Variants in FNDC3B observed in about 807,000 individuals in gnomAD.
FNDC3B encodes fibronectin type III domain-containing protein 3B.
FNDC3B carries 12 observed loss-of-function variants against 151.5 expected under a neutral mutation model. The ratio of observed to expected loss-of-function variants is 0.08; its 90% CI spans 0.05 to 0.13. FNDC3B has a LOEUF of 0.13. Ranked by LOEUF, FNDC3B falls within the 10% of genes least tolerant of loss-of-function variation. The pLI is 1.00. For synonymous variants in FNDC3B, 528 were observed against 549.0 expected, an observed-to-expected ratio of 0.96 and a Z score of 0.54; for missense variants, 1,214 against 1,505.3, an observed-to-expected ratio of 0.81 and a Z score of 3.20.
chr3:172,333,090 A>G lies in FNDC3B; in HGVS notation c.1556A>G (p.Asp519Gly), dbSNP rs977682183. The G allele has an allele frequency of 4.1e-5, 66 of 1,608,030 alleles. No individual in the cohort carries two copies. The highest frequency in any genetic ancestry group is 6.6e-5 in the South Asian group (6 of 90,982). Residue 519 changes from aspartate to glycine, a missense_variant and splice_region_variant, in exon 14 of 26, where the codon GAT (aspartate) becomes GGT (glycine). By Grantham distance (94) the Asp-to-Gly change is moderately conservative. Coordinates refer to ENST00000415807, the MANE Select transcript of FNDC3B (RefSeq NM_022763.4). ...YTLEIQEDENDNLFHPKYTGE... is the reference protein window; with the variant it reads ...YTLEIQEDENGNLFHPKYTGE... ...TTCTTCCTGGCTTTGCCTTTTCAGG[A>G]TAACCTTTTCCACCCAAAATACACT...
rs540181938 is a variant in FNDC3B at position 172,310,850 on chromosome 3, A to G, written c.1223A>G (p.Lys408Arg). The G allele has an allele frequency of 2.5e-6, 4 of 1,612,730 alleles. No individual in the cohort carries two copies. The African/African-American group carries it at 5.3e-5, about 21-fold the overall frequency. Residue 408 changes from lysine to arginine, a missense_variant, in exon 11 of 26, where the codon AAA becomes AGA. Physicochemically the swap from Lys to Arg is conservative, Grantham distance 26. Transcript: ENST00000415807. ...TAGGCACCAATTGACAACGGTTCAAAAATCACCAACTACCTTTTAGAGTGG... is the reference window on the plus strand; with the variant it reads ...TAGGCACCAATTGACAACGGTTCAAGAATCACCAACTACCTTTTAGAGTGG... Reference protein sequence around the residue: ...QWKAPIDNGSKITNYLLEWDE... With the variant: ...QWKAPIDNGSRITNYLLEWDE...
At chr3:172,378,502 A>T in intron 24 of FNDC3B, 66 bp downstream of exon 24, 1 of 1,381,142 alleles carries the variant, frequency 7.2e-7, no homozygotes, top group Non-Finnish European at 9.8e-7. Context: ...ACTTATAGAA[A>T]GAAGCTCTTT....
chr3:172,324,772 G>A (rs1028402826), intron 11 of FNDC3B, among the ~76,000 whole-genome samples: 6 of 152,198 alleles, frequency 3.9e-5, no homozygotes, highest in Non-Finnish European at 7.3e-5. Flanking sequence ...TAGCCCAGTG[G>A]CTAGGTCTGT....
chr3:172,163,060 G>C (rs1722853848), intron 3 of FNDC3B, among the ~76,000 whole-genome samples: 1 of 152,102 alleles, frequency 6.6e-6, no homozygotes, highest in South Asian at 2.1e-4. Context: ...ATTGCTTGAA[G>C]CCAGGAGTTT....
rs1727841300 is a variant in FNDC3B, at chr3:172,247,557, C to T, written c.289C>T (p.Arg97Cys). The T allele has an allele frequency of 5.0e-6, 8 of 1,613,914 alleles. No homozygotes were observed. The highest frequency in any genetic ancestry group is 5.9e-6 in the Non-Finnish European group (7 of 1,179,932). Reference sequence around the variant, plus strand: ...GGTGATTGAAGATAGTACTGGAGTCCGCCGGGTGGTGGTCACACCCCAGTC... The same window carrying T: ...GGTGATTGAAGATAGTACTGGAGTCTGCCGGGTGGTGGTCACACCCCAGTC... The part of the protein sequence containing the change: ...SQVIEDSTGV[R>C]RVVVTPQSPE... The change falls in exon 5 of 26, where the codon CGC (arginine) becomes TGC (cysteine). Residue 97 changes from arginine to cysteine, a missense_variant. By Grantham distance (180) the Arg-to-Cys change is radical. Around this residue, in one of 7 missense-constraint regions of FNDC3B, gnomAD observed 113 missense variants for 177.8 expected, o/e 0.64. Coordinates refer to ENST00000415807, the MANE Select transcript of FNDC3B (RefSeq NM_022763.4).
At chr3:172,140,235 TGATACTTAAATGTTA>T (rs566277775) in intron 3 of FNDC3B, among the ~76,000 whole-genome samples, 184 of 152,358 alleles carry the variant, frequency 1.2e-3, no homozygotes, top group African/African-American at 4.2e-3. Context: ...GCTTACCTTA[TGATACTTAAATGTTA>T]GCTTCAAGAC....
At chr3:172,241,055 A>G (rs574491780) in intron 4 of FNDC3B, among the ~76,000 whole-genome samples, 46 of 152,188 alleles carry the variant, frequency 3.0e-4, no homozygotes, top group Non-Finnish European at 6.2e-4. Context: ...CCTGGCTTCT[A>G]TTAGCCATCA....
At chr3:172,257,145 AG>A (rs1416521209) in intron 6 of FNDC3B, among the ~76,000 whole-genome samples, 2 of 152,094 alleles carry the variant, frequency 1.3e-5, no homozygotes, top group Non-Finnish European at 2.9e-5. Flanking sequence ...TCCTGACCTC[AG>A]GTGATCCACC....
chr3:172,332,355 C>T (rs914788889), intron 13 of FNDC3B, among the ~76,000 whole-genome samples: 1 of 152,190 alleles, frequency 6.6e-6, no homozygotes, highest in African/African-American at 2.4e-5. Flanking sequence ...GTAGAAAGCC[C>T]TCACCAGTTC....
At chr3:172,384,901 G>A (rs1349505163) in intron 25 of FNDC3B, among the ~76,000 whole-genome samples, 1 of 152,188 alleles carries the variant, frequency 6.6e-6, no homozygotes, top group African/African-American at 2.4e-5. Flanking sequence ...TAAACAAAGT[G>A]TTCCTTGTTG....
chr3:172,298,872 G>A (rs1730766203), intron 9 of FNDC3B, 85 bp downstream of exon 9: 3 of 937,796 alleles, frequency 3.2e-6, no homozygotes, highest in Non-Finnish European at 4.9e-6. Context: ...AGTTTTTGGT[G>A]AATGTTGCTT....
At chr3:172,263,038 A>T (rs191338403) in intron 6 of FNDC3B, among the ~76,000 whole-genome samples, 66 of 150,868 alleles carry the variant, frequency 4.4e-4, no homozygotes, top group African/African-American at 1.6e-3. Flanking sequence ...AGTCCTCTTA[A>T]AACCAAATTC....
At chr3:172,178,395 C>T (rs960186928) in intron 3 of FNDC3B, among the ~76,000 whole-genome samples, 3 of 152,016 alleles carry the variant, frequency 2.0e-5, no homozygotes, top group Non-Finnish European at 4.4e-5. Flanking sequence ...TTGCTGTCAC[C>T]GAGAGCTCAT....
chr3:172,305,592 A>G (rs1731157106), intron 9 of FNDC3B, among the ~76,000 whole-genome samples: 1 of 152,240 alleles, frequency 6.6e-6, no homozygotes, highest in South Asian at 2.1e-4. Flanking sequence ...TTTATTAGGA[A>G]TGCATGGTGT....
At chr3:172,360,175 A>G (rs1734294923) in intron 22 of FNDC3B, among the ~76,000 whole-genome samples, 1 of 152,200 alleles carries the variant, frequency 6.6e-6, no homozygotes, top group Non-Finnish European at 1.5e-5. Flanking sequence ...ATGGTATTAC[A>G]TTGCGAATTT....
Position 172,251,514 on chromosome 3 carries a change from C to T in FNDC3B, c.763C>T (p.Pro255Ser). 1 of 1,613,456 alleles carries T rather than the reference C, an allele frequency of 6.2e-7. No individual in the cohort carries two copies. The highest frequency in any genetic ancestry group is 8.5e-7 in the Non-Finnish European group (1 of 1,179,742). Residue 255 changes from proline (P) to serine (S), a missense_variant, in exon 6 of 26, where the codon CCA becomes TCA. Physicochemically the swap from Pro to Ser is moderately conservative, Grantham distance 74 (BLOSUM62 -1). Coordinates refer to ENST00000415807, the MANE Select transcript of FNDC3B (RefSeq NM_022763.4). Reference sequence around the variant, plus strand: ...AACAGAGCGACGAGCAAGAAGCAGCCCAAAGTCGAATGATTCAGACTTGCA... The same window carrying T: ...AACAGAGCGACGAGCAAGAAGCAGCTCAAAGTCGAATGATTCAGACTTGCA... ...KKTERRARSS[P>S]KSNDSDLQEY... is the part of the protein sequence containing the mutation.
At chr3:172,087,692 T>C (rs1718621794) in intron 1 of FNDC3B, among the ~76,000 whole-genome samples, 1 of 152,170 alleles carries the variant, frequency 6.6e-6, no homozygotes, top group Non-Finnish European at 1.5e-5. Context: ...TTAAAACTTG[T>C]ATAGGTTGTA....
chr3:172,327,383 G>A (rs1432154126), intron 11 of FNDC3B, among the ~76,000 whole-genome samples: 1 of 152,020 alleles, frequency 6.6e-6, no homozygotes, highest in Non-Finnish European at 1.5e-5. Context: ...GAGGATGAAT[G>A]TGGTGTGATT....
chr3:172,153,115 T>C (rs867735422), intron 3 of FNDC3B, among the ~76,000 whole-genome samples: 5 of 152,308 alleles, frequency 3.3e-5, no homozygotes, highest in Middle Eastern at 3.4e-3. Context: ...GAATTTCCTC[T>C]GTCGGGCTTG....
Sources: allele counts gnomAD v4.1 joint callset (sites outside exome capture counted in the v4.1 genomes callset), GRCh38; gene constraint gnomAD v4.1.1; regional missense constraint gnomAD v4.1.1; transcripts MANE v1.5; gene names NCBI Gene and HGNC (gene_info 2026-07-23, HGNC 2026-07-21).